WARS2: variants seen among roughly 807,000 people sequenced by gnomAD.
WARS2 encodes tryptophanyl tRNA synthetase 2, mitochondrial.
A neutral mutation model predicts 36.5 loss-of-function variants in WARS2; 28 were observed. That is an observed-to-expected ratio of 0.77 (90% CI 0.57 to 1.05). The LOEUF (loss-of-function observed/expected upper bound fraction) is 1.05, where lower values mean the gene tolerates loss of function less well. Ranked by LOEUF, WARS2 falls within the 50% of genes least tolerant of loss-of-function variation. The probability of loss-of-function intolerance (pLI) is 0.00; values close to 1 mark genes in which losing one functional copy is unlikely to be tolerated. For missense variants in WARS2, 435 were observed against 456.8 expected (o/e 0.95, Z 0.44); for synonymous variants, 174 against 178.4 (o/e 0.98, Z 0.20).
chr1:119,070,348 G>T (rs1651196892), intron 2 of WARS2, among the ~76,000 whole-genome samples: 1 of 151,930 alleles, frequency 6.6e-6, no homozygotes, highest in Non-Finnish European at 1.5e-5. Context: ...TTCCACCTCT[G>T]CCTCCTGGGT....
In WARS2 at chr1:119,125,912, C is replaced by G. The variant is rs587724141; in HGVS notation, c.90+14643G>C. 1.3e-4 allele frequency among the ~76,000 whole-genome samples: 20 copies of G among 152,264 alleles called. No homozygotes were observed. In the South Asian group the frequency reaches 3.7e-3, roughly 28 times the overall value. On this transcript the variant is annotated intron_variant, in intron 1 of 5. Transcript: ENST00000235521. ...CTTTATTCTCATGTTATACCCTGGG[C>G]CTTGCCATCACACAGAATTTCTCCA...
rs587736612 is a variant in WARS2 at position 119,085,607 on chromosome 1, G to A, written c.91-9000C>T. The A allele has an allele frequency of 3.5e-5, 52 of 1,499,334 alleles. No homozygotes were observed. In the African/African-American group the frequency reaches 5.7e-4, roughly 16 times the overall value. The allele number at this position is 1,499,334 out of a possible 1,614,324, so 92.9% of individuals were successfully genotyped here. ...CCATTTCTTCTGAGTCCTTAGGAAC[G>A]CAATAGTTAGACACATGATCCACTC... On this transcript the variant is annotated intron_variant, in intron 1 of 5. Coordinates refer to ENST00000235521, the MANE Select transcript of WARS2 (RefSeq NM_015836.4).
chr1:119,046,759 CT>C (rs1648887195), intron 2 of WARS2, among the ~76,000 whole-genome samples: 1 of 148,702 alleles, frequency 6.7e-6, no homozygotes, highest in South Asian at 2.1e-4. Flanking sequence ...ATTACAAGCC[CT>C]TCATCAACTG....
At chr1:119,045,123 C>T (rs1234828337) in intron 3 of WARS2, among the ~76,000 whole-genome samples, 1 of 152,148 alleles carries the variant, frequency 6.6e-6, no homozygotes, top group Non-Finnish European at 1.5e-5. Flanking sequence ...AAGTATAGCC[C>T]TAATTATTCT....
intron 2 of WARS2, among the ~76,000 whole-genome samples, chr1:119,071,242 G>A (rs1442609117): frequency 1.3e-5 from 2 of 152,164 alleles, no homozygotes; most frequent in Non-Finnish European, 2.9e-5. Context: ...CACTGTTGGT[G>A]AGAAAGTAAG....
chr1:119,061,029 G>A (rs1314380057), intron 2 of WARS2, among the ~76,000 whole-genome samples: 1 of 151,984 alleles, frequency 6.6e-6, no homozygotes, highest in Non-Finnish European at 1.5e-5. Context: ...GCTTACTACT[G>A]GAAAGACAAT....
chr1:119,082,261 A>C, intron 1 of WARS2: 1 of 985,352 alleles, frequency 1.0e-6, no homozygotes, highest in Non-Finnish European at 1.2e-6. Context: ...TCTTAAAAAT[A>C]TTCCCCCACA....
chr1:119,065,889 G>A (rs757591864), intron 2 of WARS2, among the ~76,000 whole-genome samples: 3 of 152,088 alleles, frequency 2.0e-5, no homozygotes, highest in Non-Finnish European at 2.9e-5. Context: ...AATATGTCGA[G>A]ACATTCCTGA....
chr1:119,107,975 G>A (rs111953236), intron 1 of WARS2, among the ~76,000 whole-genome samples: 1,652 of 151,988 alleles, frequency 0.011, 21 homozygotes, highest in Non-Finnish European at 0.016. Context: ...GTGATGGATT[G>A]CATTCATTGG....
chr1:119,120,004 C>T (rs1655228937), intron 1 of WARS2, among the ~76,000 whole-genome samples: 1 of 151,844 alleles, frequency 6.6e-6, no homozygotes, highest in Non-Finnish European at 1.5e-5. Flanking sequence ...TTTCAAGGAA[C>T]TAGAGAAAGA....
At chr1:119,110,187 A>G (rs1466569233) in intron 1 of WARS2, among the ~76,000 whole-genome samples, 1 of 152,042 alleles carries the variant, frequency 6.6e-6, no homozygotes, top group Non-Finnish European at 1.5e-5. Context: ...AAGAAAGATT[A>G]AAGTTTCCAT....
chr1:119,139,051 G>C (rs1221626659), intron 1 of WARS2, among the ~76,000 whole-genome samples: 1 of 151,984 alleles, frequency 6.6e-6, no homozygotes, highest in Non-Finnish European at 1.5e-5. Context: ...CTTTAGTTTG[G>C]AATAAGGGGA....
intron 1 of WARS2, among the ~76,000 whole-genome samples, chr1:119,106,709 C>T (rs1654265296): frequency 6.6e-6 from 1 of 152,182 alleles, no homozygotes; most frequent in South Asian, 2.1e-4. Flanking sequence ...ATCCATTCAC[C>T]TACTAAAAGA....
chr1:119,068,004 A>G (rs1651011322), intron 2 of WARS2, among the ~76,000 whole-genome samples: 3 of 152,200 alleles, frequency 2.0e-5, no homozygotes, highest in Admixed American at 2.0e-4. Flanking sequence ...AAATACATGC[A>G]GAGTTTGATG....
At chr1:119,127,448 C>T (rs947757114) in intron 1 of WARS2, among the ~76,000 whole-genome samples, 1 of 152,162 alleles carries the variant, frequency 6.6e-6, no homozygotes, top group African/African-American at 2.4e-5. Flanking sequence ...CAGTCTAGCT[C>T]AAGCTTTTAT....
intron 1 of WARS2, among the ~76,000 whole-genome samples, chr1:119,124,184 T>C (rs1321878789): frequency 6.6e-6 from 1 of 152,158 alleles, no homozygotes; most frequent in Non-Finnish European, 1.5e-5. Flanking sequence ...AAATCTTATT[T>C]GCTCTACCTT....
chr1:119,069,029 A>T (rs1171796199), intron 2 of WARS2, among the ~76,000 whole-genome samples: 1 of 152,222 alleles, frequency 6.6e-6, no homozygotes, highest in Non-Finnish European at 1.5e-5. Context: ...CTGCTGAGAA[A>T]GAATGCAAAG....
At chr1:119,082,670 C>T (rs1255450392) in intron 1 of WARS2, 1 of 153,482 alleles carries the variant, frequency 6.5e-6, no homozygotes, top group Admixed American at 6.5e-5. Flanking sequence ...ACACACTTCT[C>T]AGAAGGGGAA....
intron 2 of WARS2, among the ~76,000 whole-genome samples, chr1:119,073,089 A>C (rs1651452200): frequency 6.6e-6 from 1 of 151,900 alleles, no homozygotes; most frequent in African/African-American, 2.4e-5. Context: ...TCGAAGTTGC[A>C]GTGAGCTATG....
Sources: allele counts gnomAD v4.1 joint callset (sites outside exome capture counted in the v4.1 genomes callset), GRCh38; gene constraint gnomAD v4.1.1; transcripts MANE v1.5; gene names NCBI Gene and HGNC (gene_info 2026-07-23, HGNC 2026-07-21).